The following SLC30A7 variants were observed in gnomAD, a reference collection of about 807,000 sequenced individuals.
The protein encoded by SLC30A7 is solute carrier family 30 member 7.
Under a neutral mutation model 46.0 loss-of-function variants are expected in SLC30A7, and 35 were observed. That is an observed-to-expected ratio of 0.76 (90% CI 0.58 to 1.01). SLC30A7 has a LOEUF of 1.01. SLC30A7 is among the 50% of genes least tolerant of loss of function. SLC30A7 has a pLI of 0.00. For synonymous variants in SLC30A7, 147 were observed against 157.8 expected (o/e 0.93, Z 0.51); for missense variants, 464 against 451.1 (o/e 1.03, Z -0.26).
At chr1:100,964,405 G>GTA (rs1049034774) in intron 9 of SLC30A7, among the ~76,000 whole-genome samples, 119 of 142,722 alleles carry the variant, frequency 8.3e-4, no homozygotes, top group Non-Finnish European at 9.8e-4. Flanking sequence ...ATATGTGTAT[G>GTA]TATATATATA....
At chr1:100,960,357 C>T (rs2101083128) in intron 8 of SLC30A7, among the ~76,000 whole-genome samples, 1 of 152,268 alleles carries the variant, frequency 6.6e-6, no homozygotes, top group East Asian at 1.9e-4. Context: ...TGCCCTGTGC[C>T]CTTCTTCAGG....
At position 100,975,828 on chromosome 1, in the gene SLC30A7, GT is replaced by G. The variant is rs10604120; in HGVS notation, c.*998del. The G allele has an allele frequency of 2.4e-3, 236 of 99,078 alleles. 2 individuals are homozygous for G. The highest frequency in any genetic ancestry group is 7.8e-3 in the African/African-American group (205 of 26,244). The allele number at this position is 99,078 out of a possible 1,614,324, so 6.1% of individuals were successfully genotyped here. A position where few individuals can be genotyped will look rare whatever the true frequency, so the allele number is the denominator to read the frequency against. On this transcript the variant is annotated 3_prime_UTR_variant, in exon 11 of 11. Coordinates refer to ENST00000357650, the MANE Select transcript of SLC30A7 (RefSeq NM_133496.5). The stretch of plus-strand genomic sequence containing the variant: ...GGTGTGAGCCACCACGCCCGGCTAT[GT>G]TTTTTTTTTTTTTTTTTTTTTTTTT...
intron 2 of SLC30A7, 49 bp downstream of exon 2, chr1:100,896,720 C>G: frequency 4.0e-6 from 6 of 1,511,566 alleles, no homozygotes; most frequent in African/African-American, 1.4e-5. Context: ...GTGAGGGAGA[C>G]GAAGCACTGT....
intron 7 of SLC30A7, among the ~76,000 whole-genome samples, chr1:100,920,500 A>G (rs1412391482): frequency 6.6e-6 from 1 of 152,026 alleles, no homozygotes; most frequent in African/African-American, 2.4e-5. Context: ...AAGAACAGTT[A>G]TAATAATAGA....
downstream of SLC30A7, among the ~76,000 whole-genome samples, chr1:100,984,119 A>T (rs7514731): frequency 6.6e-6 from 1 of 152,102 alleles, no homozygotes; most frequent in East Asian, 1.9e-4. Flanking sequence ...AGGCAATCCT[A>T]TGGTGGTGGC....
At chr1:100,924,662 C>T (rs1653169969) in intron 8 of SLC30A7, among the ~76,000 whole-genome samples, 1 of 145,152 alleles carries the variant, frequency 6.9e-6, no homozygotes. Context: ...CTAAATCTCC[C>T]TGGCCAAAAA....
At chr1:100,956,981 G>C (rs1439788733) in intron 8 of SLC30A7, among the ~76,000 whole-genome samples, 1 of 152,120 alleles carries the variant, frequency 6.6e-6, no homozygotes, top group African/African-American at 2.4e-5. Flanking sequence ...TAAAAATAAA[G>C]TTATGAATTT....
At chr1:100,972,357 T>C in intron 10 of SLC30A7, 1 of 240,492 alleles carries the variant, frequency 4.2e-6, no homozygotes, top group Admixed American at 5.6e-5. Flanking sequence ...AAATGACTTT[T>C]TTTTCTTTTT....
chr1:100,944,886 C>T (rs1456673086), intron 8 of SLC30A7, among the ~76,000 whole-genome samples: 1 of 152,148 alleles, frequency 6.6e-6, no homozygotes, highest in Non-Finnish European at 1.5e-5. Flanking sequence ...AATGGTTGAA[C>T]TAATTTACAC....
intron 8 of SLC30A7, among the ~76,000 whole-genome samples, chr1:100,923,916 C>T (rs926361882): frequency 6.6e-6 from 1 of 152,208 alleles, no homozygotes; most frequent in Non-Finnish European, 1.5e-5. Flanking sequence ...GTAATTTATT[C>T]ACTGTTACAA....
At chr1:100,957,011 A>G (rs1329676404) in intron 8 of SLC30A7, among the ~76,000 whole-genome samples, 1 of 152,200 alleles carries the variant, frequency 6.6e-6, no homozygotes, top group Non-Finnish European at 1.5e-5. Context: ...GAAATATTCT[A>G]TATTATTTAT....
intron 3 of SLC30A7, 77 bp from the exon 4 acceptor site, chr1:100,910,986 C>G (rs1570514409): frequency 5.2e-6 from 6 of 1,157,188 alleles, no homozygotes; most frequent in Middle Eastern, 2.4e-4. Context: ...TTTGGAATCT[C>G]TGAATGTATG....
At chr1:100,937,282 G>C (rs1654026257) in intron 8 of SLC30A7, among the ~76,000 whole-genome samples, 1 of 152,072 alleles carries the variant, frequency 6.6e-6, no homozygotes, top group African/African-American at 2.4e-5. Flanking sequence ...AAACATCTGA[G>C]TATTTACTTG....
intron 8 of SLC30A7, among the ~76,000 whole-genome samples, chr1:100,954,567 C>G (rs1655130533): frequency 1.3e-5 from 2 of 152,054 alleles, no homozygotes. Context: ...AAAAGGATGA[C>G]TTTTTCATGA....
At chr1:100,924,178 C>T (rs548507776) in intron 8 of SLC30A7, among the ~76,000 whole-genome samples, 2 of 152,248 alleles carry the variant, frequency 1.3e-5, no homozygotes, top group African/African-American at 4.8e-5. Context: ...ATTTTAATGA[C>T]TCTTACCCTT....
At chr1:100,963,777 G>T (rs1488835953) in intron 9 of SLC30A7, among the ~76,000 whole-genome samples, 2 of 152,078 alleles carry the variant, frequency 1.3e-5, no homozygotes, top group African/African-American at 2.4e-5. Context: ...CATATGTCTA[G>T]TGACTTTTGA....
intron 8 of SLC30A7, among the ~76,000 whole-genome samples, chr1:100,922,373 A>G (rs1653003303): frequency 1.3e-5 from 2 of 152,232 alleles, no homozygotes; most frequent in African/African-American, 4.8e-5. Flanking sequence ...GTCATAATTC[A>G]AATCAATAGT....
At chr1:100,965,213 C>T (rs1655798526) in intron 9 of SLC30A7, among the ~76,000 whole-genome samples, 1 of 152,176 alleles carries the variant, frequency 6.6e-6, no homozygotes, top group South Asian at 2.1e-4. Flanking sequence ...CTCCCTCTTT[C>T]TTTGTAAACT....
rs997486751 is a variant in SLC30A7 at position 100,912,254 on chromosome 1, C to G, written c.511+16C>G. 3.1e-6 allele frequency: 5 copies of G among 1,603,758 alleles called. No individual in the cohort carries two copies. The highest frequency in any genetic ancestry group is 1.7e-5 in the Admixed American group (1 of 57,904). ...CATGGCTCTGGTATGATGGTTAGGA[C>G]ACTTTGTTTCTTCATTTTCTACTAG... On this transcript the variant is annotated intron_variant, in intron 5 of 10. Coordinates refer to ENST00000357650, the MANE Select transcript of SLC30A7 (RefSeq NM_133496.5).
Sources: gnomAD v4.1 joint callset for allele counts (sites outside exome capture counted in the v4.1 genomes callset) on GRCh38, gnomAD v4.1.1 for gene constraint, MANE v1.5 for transcripts, NCBI Gene and HGNC (gene_info 2026-07-23, HGNC 2026-07-21) for gene names.